The following UNC5B variants were observed in gnomAD, a reference collection of about 807,000 sequenced individuals.
UNC5B encodes the protein unc-5 netrin receptor B.
UNC5B carries 56 observed loss-of-function variants against 103.7 expected under a neutral mutation model. That is an observed-to-expected ratio of 0.54 (90% CI 0.44 to 0.67). UNC5B has a LOEUF of 0.67. UNC5B is among the 30% of genes least tolerant of loss of function. The pLI, the probability that UNC5B is intolerant of heterozygous loss-of-function variation, is 0.00. For synonymous variants in UNC5B, 577 were observed against 542.0 expected, an observed-to-expected ratio of 1.06 and a Z score of -0.90; for missense variants, 1,194 against 1,284.5, an observed-to-expected ratio of 0.93 and a Z score of 1.08.
intron 1 of UNC5B, among the ~76,000 whole-genome samples, chr10:71,259,060 G>T (rs1220203773): frequency 3.3e-5 from 5 of 152,234 alleles, no homozygotes; most frequent in South Asian, 2.1e-4. Flanking sequence ...CTCATGGGCA[G>T]GGTGGAGGGA....
At chr10:71,298,581 GAT>G (rs1004458352) in intron 16 of UNC5B, among the ~76,000 whole-genome samples, 1 of 151,434 alleles carries the variant, frequency 6.6e-6, no homozygotes, top group Non-Finnish European at 1.5e-5. Flanking sequence ...CTTATTGAAA[GAT>G]GTGTAATAAA....
chr10:71,274,882 G>GA (rs1219808768), intron 1 of UNC5B, among the ~76,000 whole-genome samples: 2 of 152,120 alleles, frequency 1.3e-5, no homozygotes, highest in African/African-American at 4.8e-5. Context: ...GCTTTCTGAA[G>GA]AAAAAAATTT....
At chr10:71,222,161 T>G (rs1321458763) in intron 1 of UNC5B, among the ~76,000 whole-genome samples, 1 of 152,090 alleles carries the variant, frequency 6.6e-6, no homozygotes, top group African/African-American at 2.4e-5. Flanking sequence ...ATGAGAGACT[T>G]TGGGTAAATG....
chr10:71,224,364 GACACACACACACACACACACACACAC>G (rs58378731), intron 1 of UNC5B, among the ~76,000 whole-genome samples: 3 of 97,350 alleles, frequency 3.1e-5, no homozygotes, highest in Admixed American at 2.1e-4. Context: ...TCTGTATGTA[GACACACACACACACACACACACACAC>G]ACACACACAC....
At position 71,295,730 on chromosome 10, in the gene UNC5B, C is replaced by G. The variant is rs949201785; in HGVS notation, c.2176-81C>G. Reference sequence around the variant, plus strand: ...GCCATGCACTCAGATGGGCCCCTGCCCCCTGCCCCGCACAGTGCCACAGAA... The same window carrying G: ...GCCATGCACTCAGATGGGCCCCTGCGCCCTGCCCCGCACAGTGCCACAGAA... On this transcript the variant is annotated intron_variant, in intron 13 of 16. Transcript: ENST00000335350. The G allele has an allele frequency of 8.5e-6, 13 of 1,531,996 alleles. No homozygotes were observed. The African/African-American group carries it at 1.4e-4, about 16-fold the overall frequency. 94.9% of individuals were successfully genotyped at this position (1,531,996 alleles called of 1,614,324 possible).
intron 1 of UNC5B, among the ~76,000 whole-genome samples, chr10:71,278,872 T>C (rs1327196496): frequency 6.6e-6 from 1 of 152,224 alleles, no homozygotes; most frequent in African/African-American, 2.4e-5. Context: ...CATTTGGCAT[T>C]TGGCACTGGA....
intron 1 of UNC5B, among the ~76,000 whole-genome samples, chr10:71,264,457 A>G (rs1439925761): frequency 1.4e-4 from 22 of 152,218 alleles, no homozygotes; most frequent in Admixed American, 1.2e-3. Flanking sequence ...GGTGATGGCC[A>G]TCATTTATTG....
rs1298263868 is a variant in UNC5B, at chr10:71,295,996, CT to C, written c.2325+38del. ...GGCTGATGGATGGGGAGGGGCACCA[CT>C]TAAGGGCTGCCCGGGAAGCCCAGCT... On this transcript the variant is annotated intron_variant, in intron 14 of 16. Coordinates refer to ENST00000335350, the MANE Select transcript of UNC5B (RefSeq NM_170744.5). The C allele has an allele frequency of 3.1e-6, 5 of 1,611,490 alleles. No individual in the cohort carries two copies. In the South Asian group the frequency reaches 5.5e-5, roughly 18 times the overall value.
At chr10:71,233,647 G>A (rs539106885) in intron 1 of UNC5B, among the ~76,000 whole-genome samples, 1 of 152,348 alleles carries the variant, frequency 6.6e-6, no homozygotes, top group East Asian at 1.9e-4. Flanking sequence ...AGCTGCCACA[G>A]CAGTTAATGA....
chr10:71,218,028 C>G (rs536984148), intron 1 of UNC5B: 7 of 152,290 alleles, frequency 4.6e-5, no homozygotes, highest in Non-Finnish European at 7.3e-5. Context: ...GCTCACTTCT[C>G]CAAGAAGGCA....
At chr10:71,265,024 TCAAATG>T (rs61476179) in intron 1 of UNC5B, among the ~76,000 whole-genome samples, 15,961 of 150,204 alleles carry the variant, frequency 0.11, 908 homozygotes, top group African/African-American at 0.16. Flanking sequence ...AGACCCAGAT[TCAAATG>T]CTGACAACCC....
intron 3 of UNC5B, 80 bp downstream of exon 3, chr10:71,284,943 T>C: frequency 6.6e-7 from 1 of 1,509,898 alleles, no homozygotes; most frequent in Non-Finnish European, 8.8e-7. Flanking sequence ...ACTTCACATC[T>C]GTGGGGCCTC....
chr10:71,294,186 G>A (rs1845350056), intron 13 of UNC5B, among the ~76,000 whole-genome samples: 1 of 152,200 alleles, frequency 6.6e-6, no homozygotes, highest in Non-Finnish European at 1.5e-5. Flanking sequence ...CAGGACTGAG[G>A]GAGCATCAGA....
chr10:71,258,304 C>T (rs1844338891), intron 1 of UNC5B, among the ~76,000 whole-genome samples: 2 of 152,158 alleles, frequency 1.3e-5, no homozygotes, highest in Non-Finnish European at 1.5e-5. Context: ...CCACTCCCCT[C>T]CTAGGATACA....
At position 71,213,454 on chromosome 10, in the gene UNC5B, G is replaced by T. The variant is rs1011325197; in HGVS notation, c.79+390G>T. Among the ~76,000 whole-genome samples, 8 of 152,100 alleles carry T rather than the reference G, an allele frequency of 5.3e-5. No individual in the cohort carries two copies. The highest frequency in any genetic ancestry group is 8.8e-5 in the Non-Finnish European group (6 of 68,022). ...ATAAGCAAGGTGTGCGCTCGCTGCC[G>T]TACGCCGGTAACTTACTAGTCTGGT... is the stretch of plus-strand genomic sequence containing the variant. On this transcript the variant is annotated intron_variant, in intron 1 of 16. Transcript: ENST00000335350. This position sits in a 1 kb window ranked among gnomAD's most constrained non-coding sequence, Gnocchi z 4.1.
intron 1 of UNC5B, among the ~76,000 whole-genome samples, chr10:71,221,330 C>T (rs191595086): frequency 2.0e-5 from 3 of 152,234 alleles, no homozygotes; most frequent in South Asian, 2.1e-4. Context: ...GTGGTCCCCC[C>T]CCTTGTCACC....
At chr10:71,222,316 C>G (rs1185138477) in intron 1 of UNC5B, among the ~76,000 whole-genome samples, 2 of 33,244 alleles carry the variant, frequency 6.0e-5, no homozygotes, top group Non-Finnish European at 2.8e-4. Context: ...CCAGAGGTCT[C>G]TTAGTGGAAA....
At chr10:71,225,272 G>A (rs1843539328) in intron 1 of UNC5B, among the ~76,000 whole-genome samples, 1 of 152,220 alleles carries the variant, frequency 6.6e-6, no homozygotes. Flanking sequence ...AACCCACGGG[G>A]GTCGCTGATC....
At chr10:71,276,177 GC>G (rs1381078455) in intron 1 of UNC5B, among the ~76,000 whole-genome samples, 1 of 71,730 alleles carries the variant, frequency 1.4e-5, no homozygotes, top group Non-Finnish European at 4.0e-5. Flanking sequence ...CCTTGGGATA[GC>G]TTAAAAAAAA....
Sources: allele counts gnomAD v4.1 joint callset (sites outside exome capture counted in the v4.1 genomes callset), GRCh38; gene constraint gnomAD v4.1.1; non-coding constraint Gnocchi (gnomAD v3.1); transcripts MANE v1.5; gene names NCBI Gene and HGNC (gene_info 2026-07-23, HGNC 2026-07-21).